Variants in CPNE4 observed in about 807,000 individuals in gnomAD.
CPNE4 encodes copine 4, also known as copine-4.
A neutral mutation model predicts 67.9 loss-of-function variants in CPNE4; 25 were observed. The observed-to-expected ratio is 0.37, with a 90% CI of 0.27 to 0.51. CPNE4 has a LOEUF of 0.51. Among genes scored for constraint, CPNE4 ranks in the 20% least tolerant of loss-of-function variants. The probability of loss-of-function intolerance (pLI) is 0.93; values close to 1 mark genes in which losing one functional copy is unlikely to be tolerated. For synonymous variants in CPNE4, 242 were observed against 244.9 expected (o/e 0.99, Z 0.11); for missense variants, 464 against 690.8 (o/e 0.67, Z 3.68).
At chr3:131,903,549 C>A (rs1408408684) in intron 2 of CPNE4, among the ~76,000 whole-genome samples, 1 of 152,082 alleles carries the variant, frequency 6.6e-6, no homozygotes, top group Non-Finnish European at 1.5e-5. Flanking sequence ...CAGTGTCCAG[C>A]ACAATTATAA....
At chr3:131,720,505 C>T (rs573439896) in intron 3 of CPNE4, among the ~76,000 whole-genome samples, 2 of 152,140 alleles carry the variant, frequency 1.3e-5, no homozygotes, top group African/African-American at 4.8e-5. Flanking sequence ...AGGATGGTCT[C>T]GATCTCCTGA....
At chr3:131,979,779 GTTTTATAGGTCCTGTGTGATTTA>G (rs149094504) in intron 1 of CPNE4, among the ~76,000 whole-genome samples, 28,224 of 151,294 alleles carry the variant, frequency 0.19, 3,394 homozygotes, top group East Asian at 0.37. Context: ...TTGTATTTTT[GTTTTATAGGTCCTGTGTGATTTA>G]TGCTTTAAAG....
chr3:131,902,481 ATTACT>A (rs1219316093), intron 2 of CPNE4, among the ~76,000 whole-genome samples: 1 of 152,156 alleles, frequency 6.6e-6, no homozygotes. Flanking sequence ...TTATTGCAGT[ATTACT>A]TAAAATAGGG....
intron 7 of CPNE4, among the ~76,000 whole-genome samples, chr3:131,645,782 C>T (rs2079649153): frequency 6.6e-6 from 1 of 152,108 alleles, no homozygotes; most frequent in Non-Finnish European, 1.5e-5. Flanking sequence ...GACTTTCTCA[C>T]TTCCTGAAAA....
At chr3:131,584,288 C>G (rs56195101) in intron 8 of CPNE4, among the ~76,000 whole-genome samples, 1 of 152,046 alleles carries the variant, frequency 6.6e-6, no homozygotes, top group Non-Finnish European at 1.5e-5. Context: ...AATATATTTA[C>G]GGGTAAACCT....
At chr3:131,707,907 C>T (rs1175199509) in intron 3 of CPNE4, among the ~76,000 whole-genome samples, 6 of 152,206 alleles carry the variant, frequency 3.9e-5, no homozygotes, top group Non-Finnish European at 7.3e-5. Flanking sequence ...ATTAACCTCT[C>T]TGAGCCTCAG....
At chr3:131,723,862 A>T (rs904578544) in intron 2 of CPNE4, among the ~76,000 whole-genome samples, 2 of 152,204 alleles carry the variant, frequency 1.3e-5, no homozygotes, top group African/African-American at 4.8e-5. Flanking sequence ...AGCTCATTGT[A>T]TGAGTTTGCA....
Position 131,831,847 on chromosome 3 carries a change from G to A in CPNE4, c.180+73417C>T, listed in dbSNP as rs115858129. On this transcript the variant is annotated intron_variant, in intron 2 of 15. Transcript: ENST00000429747. ...TTACTGACTCTGCAGCCTTGAGCTA[G>A]GGAAATAATCTCTCTAAGTTGTATT... 6.5e-3 allele frequency among the ~76,000 whole-genome samples: 995 copies of A among 152,182 alleles called. 10 individuals carry two copies. Among genetic ancestry groups the A allele is most frequent in the African/African-American group, 0.022 (914 of 41,512 alleles).
intron 2 of CPNE4, among the ~76,000 whole-genome samples, chr3:131,756,838 T>A (rs1040406815): frequency 6.6e-6 from 1 of 152,186 alleles, no homozygotes; most frequent in African/African-American, 2.4e-5. Context: ...GGGAAGATAA[T>A]TGAATCATGA....
At chr3:131,767,822 T>A (rs2083062247) in intron 2 of CPNE4, among the ~76,000 whole-genome samples, 2 of 151,920 alleles carry the variant, frequency 1.3e-5, no homozygotes, top group Non-Finnish European at 2.9e-5. Flanking sequence ...AAAAACACAT[T>A]TTGAGTGTTT....
rs116744703 is a variant in CPNE4, at chr3:131,720,918, T to C, written c.360+2528A>G. Among the ~76,000 whole-genome samples the C allele has an allele frequency of 6.0e-3, 913 of 152,334 alleles. 5 individuals are homozygous for C. Among genetic ancestry groups the C allele is most frequent in the African/African-American group, 0.018 (766 of 41,590 alleles). On this transcript the variant is annotated intron_variant, in intron 3 of 15. Transcript: ENST00000429747. ...CTGAATACAGAGGCTTTGTGTATAATGTTCCCATCTGCTTAGAATGTGTTT... is the reference window on the plus strand; with the variant it reads ...CTGAATACAGAGGCTTTGTGTATAACGTTCCCATCTGCTTAGAATGTGTTT...
intron 6 of CPNE4, among the ~76,000 whole-genome samples, chr3:131,677,261 C>A (rs974467501): frequency 2.0e-5 from 3 of 151,242 alleles, no homozygotes; most frequent in Admixed American, 2.0e-4. Context: ...TTTCAGGGTA[C>A]CTTTGCCCAC....
rs2074062599 is a variant in CPNE4 at position 132,024,057 on chromosome 3, C to T, written c.-2+10510G>A. On this transcript the variant is annotated intron_variant, in intron 1 of 15. Coordinates refer to ENST00000429747, the MANE Select transcript of CPNE4 (RefSeq NM_130808.3). ...TATTGATAGATTTAATACACGTGAACAAAAGCTCTTTGGGGTCTTCAGTAA... is the reference window on the plus strand; with the variant it reads ...TATTGATAGATTTAATACACGTGAATAAAAGCTCTTTGGGGTCTTCAGTAA... Among the ~76,000 whole-genome samples the T allele has an allele frequency of 2.0e-5, 3 of 149,236 alleles. No individual in the cohort carries two copies. The South Asian group carries it at 6.4e-4, about 32-fold the overall frequency.
intron 2 of CPNE4, among the ~76,000 whole-genome samples, chr3:131,789,582 T>C (rs2083659747): frequency 6.6e-6 from 1 of 152,168 alleles, no homozygotes; most frequent in Non-Finnish European, 1.5e-5. Context: ...TGCAGGTTAG[T>C]GAGCATGTAA....
At chr3:131,989,140 G>A (rs1330592175) in intron 1 of CPNE4, among the ~76,000 whole-genome samples, 1 of 152,186 alleles carries the variant, frequency 6.6e-6, no homozygotes, top group Non-Finnish European at 1.5e-5. Context: ...TGACTCTCAG[G>A]TGCCACACAA....
intron 1 of CPNE4, among the ~76,000 whole-genome samples, chr3:131,962,229 G>A (rs772603094): frequency 9.2e-5 from 14 of 152,076 alleles, no homozygotes; most frequent in African/African-American, 2.7e-4. Context: ...CTATTTCCTC[G>A]ATGCCTAACA....
intron 1 of CPNE4, among the ~76,000 whole-genome samples, chr3:131,957,792 T>C (rs980003572): frequency 6.6e-6 from 1 of 152,242 alleles, no homozygotes; most frequent in East Asian, 1.9e-4. Context: ...CAAACAATTC[T>C]ACTGCATTTT....
chr3:131,586,018 C>T (rs954651750), intron 8 of CPNE4, among the ~76,000 whole-genome samples: 6 of 152,092 alleles, frequency 3.9e-5, no homozygotes, highest in African/African-American at 1.4e-4. Flanking sequence ...TGGTATCATT[C>T]AGATTAAGTT....
chr3:131,603,037 A>G (rs935477910), intron 7 of CPNE4, among the ~76,000 whole-genome samples: 1 of 151,830 alleles, frequency 6.6e-6, no homozygotes, highest in Non-Finnish European at 1.5e-5. Flanking sequence ...CTCCTTTACA[A>G]TTTTTTTGGG....
Sources: allele counts gnomAD v4.1 joint callset (sites outside exome capture counted in the v4.1 genomes callset), GRCh38; gene constraint gnomAD v4.1.1; transcripts MANE v1.5; gene names NCBI Gene and HGNC (gene_info 2026-07-23, HGNC 2026-07-21).